Variants in COL11A1 observed in about 807,000 individuals in gnomAD.
COL11A1 encodes the protein collagen alpha-1(XI) chain.
Under a neutral mutation model 265.2 loss-of-function variants are expected in COL11A1, and 74 were observed. The observed-to-expected ratio is 0.28, with a 90% CI of 0.23 to 0.34. The LOEUF is 0.34. Among genes scored for constraint, COL11A1 ranks in the 10% least tolerant of loss-of-function variants. The probability of loss-of-function intolerance (pLI) is 1.00; values close to 1 mark genes in which losing one functional copy is unlikely to be tolerated. For synonymous variants in COL11A1, 816 were observed against 727.6 expected (o/e 1.12, Z -1.96); for missense variants, 2,165 against 2,263.6 (o/e 0.96, Z 0.88).
At chr1:102,938,381 GA>G (rs5776665) in intron 44 of COL11A1, among the ~76,000 whole-genome samples, 84,353 of 145,832 alleles carry the variant, frequency 0.58, 25,998 homozygotes, top group East Asian at 0.87. Context: ...CACTTAAAGG[GA>G]AAAAAAAATT....
intron 1 of COL11A1, among the ~76,000 whole-genome samples, chr1:103,096,833 CT>C (rs1452185918): frequency 6.6e-6 from 1 of 151,922 alleles, no homozygotes; most frequent in East Asian, 1.9e-4. Context: ...GTTCTAAAAG[CT>C]GATATACTTT....
chr1:103,070,885 A>T (rs1017623107), intron 4 of COL11A1, among the ~76,000 whole-genome samples: 1 of 151,998 alleles, frequency 6.6e-6, no homozygotes. Flanking sequence ...CATTAAAAAG[A>T]TATATGGACA....
intron 52 of COL11A1, 152 bp downstream of exon 52, chr1:102,914,200 T>A: frequency 1.5e-6 from 1 of 678,086 alleles, no homozygotes; most frequent in South Asian, 1.9e-5. Context: ...CTATATGGAT[T>A]TTCCTGCATT....
chr1:103,060,077 T>C (rs1202756565), intron 4 of COL11A1, among the ~76,000 whole-genome samples: 1 of 151,948 alleles, frequency 6.6e-6, no homozygotes, highest in African/African-American at 2.4e-5. Flanking sequence ...TCAGAAAATC[T>C]AAGATAAATT....
At chr1:102,988,915 G>T (rs145674483) in intron 29 of COL11A1, among the ~76,000 whole-genome samples, 4 of 152,106 alleles carry the variant, frequency 2.6e-5, no homozygotes, top group African/African-American at 7.2e-5. Flanking sequence ...TTTAGGAAAA[G>T]AAATATTTTC....
intron 4 of COL11A1, among the ~76,000 whole-genome samples, chr1:103,064,026 A>G (rs1418542759): frequency 6.6e-6 from 1 of 152,124 alleles, no homozygotes. Context: ...CCAAAAGAAA[A>G]TAGGGCTGTT....
At chr1:103,044,199 T>C (rs1266894608) in intron 4 of COL11A1, among the ~76,000 whole-genome samples, 1 of 151,490 alleles carries the variant, frequency 6.6e-6, no homozygotes, top group African/African-American at 2.4e-5. Context: ...ATACAGTTAA[T>C]GATTTTTTTT....
At chr1:102,937,679 C>T (rs1658285955) in intron 44 of COL11A1, among the ~76,000 whole-genome samples, 2 of 152,100 alleles carry the variant, frequency 1.3e-5, no homozygotes, top group African/African-American at 4.8e-5. Context: ...GGCCCGGTTC[C>T]CCTTTGAACT....
chr1:103,016,474 G>A (rs1402005346), intron 11 of COL11A1, among the ~76,000 whole-genome samples: 2 of 151,882 alleles, frequency 1.3e-5, no homozygotes, highest in African/African-American at 4.8e-5. Context: ...CTGTTGATAA[G>A]TATGTGACTC....
At chr1:103,009,759 G>A (rs1387759218) in intron 14 of COL11A1, among the ~76,000 whole-genome samples, 1 of 152,036 alleles carries the variant, frequency 6.6e-6, no homozygotes, top group Non-Finnish European at 1.5e-5. Context: ...TGACTCCAAA[G>A]TAAAAGAAAT....
rs138540180 is a variant in COL11A1 at position 103,067,348 on chromosome 1, G to T, written c.651+7270C>A. On this transcript the variant is annotated intron_variant, in intron 4 of 66. Transcript: ENST00000370096. ...AATACCAATAAGCTCTCTAAGAAAA[G>T]CTCAAGTATCTAGATATTAAACATC... 2.9e-3 allele frequency among the ~76,000 whole-genome samples: 443 copies of T among 151,812 alleles called. 1 individual carries two copies. Among genetic ancestry groups the T allele is most frequent in the Non-Finnish European group, 5.3e-3 (362 of 67,714 alleles).
At chr1:103,025,456 T>C (rs975492949) in intron 7 of COL11A1, 65 bp downstream of exon 7, 2 of 1,061,326 alleles carry the variant, frequency 1.9e-6, no homozygotes, top group African/African-American at 1.6e-5. Flanking sequence ...CAGAGTGAAG[T>C]ATATCAAAAT....
At chr1:102,936,102 A>G (rs961406838) in intron 44 of COL11A1, among the ~76,000 whole-genome samples, 4 of 152,142 alleles carry the variant, frequency 2.6e-5, no homozygotes, top group African/African-American at 9.7e-5. Context: ...CATGGATGTA[A>G]TTGTATTGAT....
intron 10 of COL11A1, among the ~76,000 whole-genome samples, chr1:103,018,600 G>A (rs868557086): frequency 6.6e-6 from 1 of 152,082 alleles, no homozygotes; most frequent in Non-Finnish European, 1.5e-5. Context: ...AGATGCAGAG[G>A]TATCTAAGCC....
intron 5 of COL11A1, among the ~76,000 whole-genome samples, chr1:103,027,905 C>A (rs185580094): frequency 1.2e-4 from 18 of 152,216 alleles, no homozygotes. Flanking sequence ...ATAATTCTGT[C>A]CTTTATTTAA....
At chr1:102,977,308 T>G (rs897731895) in intron 35 of COL11A1, among the ~76,000 whole-genome samples, 3 of 152,184 alleles carry the variant, frequency 2.0e-5, no homozygotes, top group Admixed American at 1.3e-4. Flanking sequence ...AGGAAATATG[T>G]TCTTCCTGTA....
chr1:103,066,508 T>C (rs1286831769), intron 4 of COL11A1, among the ~76,000 whole-genome samples: 2 of 97,464 alleles, frequency 2.1e-5, no homozygotes, highest in Non-Finnish European at 4.4e-5. Flanking sequence ...ATCCAATAAG[T>C]AAAACAAAAT....
intron 3 of COL11A1, among the ~76,000 whole-genome samples, chr1:103,077,423 T>A (rs1440417057): frequency 6.6e-6 from 1 of 151,958 alleles, no homozygotes; most frequent in Non-Finnish European, 1.5e-5. Context: ...CAAATATAGA[T>A]TAAAACCTTA....
intron 8 of COL11A1, 23 bp downstream of exon 8, chr1:103,022,717 GAC>G: frequency 6.2e-7 from 1 of 1,613,080 alleles, no homozygotes; most frequent in Non-Finnish European, 8.5e-7. Flanking sequence ...GACATACAAT[GAC>G]ACAGTGCATA....
Sources: gnomAD v4.1 joint callset for allele counts (sites outside exome capture counted in the v4.1 genomes callset) on GRCh38, gnomAD v4.1.1 for gene constraint, MANE v1.5 for transcripts, NCBI Gene and HGNC (gene_info 2026-07-23, HGNC 2026-07-21) for gene names.